Variants in ST6GALNAC1 observed in about 807,000 individuals in gnomAD.
ST6GALNAC1 encodes ST6 N-acetylgalactosaminide alpha-2,6-sialyltransferase 1, also known as alpha-N-acetylgalactosaminide alpha-2,6-sialyltransferase 1.
ST6GALNAC1 carries 45 observed loss-of-function variants against 56.8 expected under a neutral mutation model. The observed-to-expected ratio is 0.79, with a 90% CI of 0.62 to 1.02. ST6GALNAC1 has a LOEUF of 1.02. ST6GALNAC1 is among the 50% of genes least tolerant of loss of function. ST6GALNAC1 has a pLI of 0.00. For synonymous variants in ST6GALNAC1, 295 were observed against 297.8 expected, an observed-to-expected ratio of 0.99 and a Z score of 0.10; for missense variants, 743 against 754.8, an observed-to-expected ratio of 0.98 and a Z score of 0.18.
intron 1 of ST6GALNAC1, chr17:76,642,031 CTATA>C (rs1035112230): frequency 8.7e-5 from 13 of 150,054 alleles, no homozygotes; most frequent in East Asian, 1.9e-4. Flanking sequence ...ATATCTATAT[CTATA>C]TATACAATAT....
chr17:76,625,469 T>C lies in ST6GALNAC1; in HGVS notation c.1664A>G (p.Asp555Gly). The C allele has an allele frequency of 6.2e-7, 1 of 1,614,162 alleles. No homozygotes were observed. Among genetic ancestry groups the C allele is most frequent in the Non-Finnish European group, 8.5e-7 (1 of 1,180,034 alleles). Residue 555 changes from aspartate (D) to glycine (G), a missense_variant, in exon 9 of 9, where the codon GAT (aspartate) becomes GGT (glycine). Physicochemically the swap from Asp to Gly is moderately conservative, Grantham distance 94 (BLOSUM62 -1). Transcript: ENST00000156626. ...GHERFSDHYY[D>G]TSWKRLIFYI... ...AAAGATCAGCCGCTTCCATGATGTA[T>C]CATAGTAGTGATCAGAAAAGCGCTC...
intron 1 of ST6GALNAC1, among the ~76,000 whole-genome samples, chr17:76,633,120 A>G (rs1598300623): frequency 6.6e-6 from 1 of 152,240 alleles, no homozygotes; most frequent in Non-Finnish European, 1.5e-5. Flanking sequence ...GAGGCACGAG[A>G]GTTGCTCGAA....
Position 76,628,339 on chromosome 17 carries a change from G to A in ST6GALNAC1, c.831+673C>T, listed in dbSNP as rs1241082584. On this transcript the variant is annotated intron_variant, in intron 2 of 8. Transcript: ENST00000156626. ...CAGGGTCTCACTCTGTTGCCCAGGCGGGAGTGCAGTGGTGCCATCATAGCT... is the reference window on the plus strand; with the variant it reads ...CAGGGTCTCACTCTGTTGCCCAGGCAGGAGTGCAGTGGTGCCATCATAGCT... Among the ~76,000 whole-genome samples, 9 of 142,980 alleles carry A rather than the reference G, an allele frequency of 6.3e-5. No individual in the cohort carries two copies. The South Asian group carries it at 1.4e-3, about 22-fold the overall frequency. 93.8% of individuals were successfully genotyped at this position (142,980 alleles called of 152,430 possible).
chr17:76,618,138 A>G, the ST6GALNAC1 span, among the ~76,000 whole-genome samples: 2 of 152,190 alleles, frequency 1.3e-5, no homozygotes, highest in East Asian at 3.8e-4. Context: ...CCACATTTTT[A>G]TGTGTTCACA....
At chr17:76,619,743 T>C in the ST6GALNAC1 span, among the ~76,000 whole-genome samples, 1 of 101,864 alleles carries the variant, frequency 9.8e-6, no homozygotes, top group African/African-American at 3.2e-5. Context: ...AATGTTAGTT[T>C]TTTTTTTTTT....
rs1440878251 is a variant in ST6GALNAC1 at position 76,626,804 on chromosome 17, A to G, written c.1173-15T>C. The G allele has an allele frequency of 1.1e-5, 17 of 1,605,748 alleles. No individual in the cohort carries two copies. In the East Asian group the frequency reaches 3.4e-4, roughly 32 times the overall value. ...CTCCGCTCAATCTGTGCAGAAAGAC[A>G]CAATCAGACGGGACAGGTGAGCAGA... On this transcript the variant is annotated splice_polypyrimidine_tract_variant and intron_variant, in intron 4 of 8. Coordinates refer to ENST00000156626, the MANE Select transcript of ST6GALNAC1 (RefSeq NM_018414.5).
chr17:76,629,063 A>G lies in ST6GALNAC1; in HGVS notation c.780T>C (p.Pro260=). The change falls in exon 2 of 9, where the codon CCT becomes CCC. Residue 260 remains proline (P), a synonymous_variant. Transcript: ENST00000156626. ...RLKAANFKSE[P]RWDFEEKYSF... ...TGTATTTTTCCTCAAAATCCCACCGAGGCTCAGATTTGAAGTTGGCGGCCT... is the reference window on the plus strand; with the variant it reads ...TGTATTTTTCCTCAAAATCCCACCGGGGCTCAGATTTGAAGTTGGCGGCCT... 1.3e-6 allele frequency: 2 copies of G among 1,561,342 alleles called. No individual in the cohort carries two copies. Among genetic ancestry groups the G allele is most frequent in the Non-Finnish European group, 1.7e-6 (2 of 1,154,228 alleles).
At chr17:76,621,777 A>G (rs897274903), downstream of ST6GALNAC1, among the ~76,000 whole-genome samples, 5 of 152,026 alleles carry the variant, frequency 3.3e-5, no homozygotes, top group Admixed American at 6.6e-5. Context: ...ACCTGGCCCA[A>G]TCCAGCTGTT....
At chr17:76,637,272 TAAA>T (rs771644279) in intron 1 of ST6GALNAC1, among the ~76,000 whole-genome samples, 2 of 18,190 alleles carry the variant, frequency 1.1e-4, no homozygotes, top group African/African-American at 4.7e-4. Context: ...CAATAAATAC[TAAA>T]AAAAAAAAAA....
At position 76,625,460 on chromosome 17, in the gene ST6GALNAC1, C is replaced by T; in HGVS notation, c.1673G>A (p.Trp558Ter). 6.2e-7 allele frequency: 1 copy of T among 1,614,196 alleles called. No individual in the cohort carries two copies. The highest frequency in any genetic ancestry group is 8.5e-7 in the Non-Finnish European group (1 of 1,180,038). Reference sequence around the variant, plus strand: ...GTTTATGTAAAAGATCAGCCGCTTCCATGATGTATCATAGTAGTGATCAGA... The same window carrying T: ...GTTTATGTAAAAGATCAGCCGCTTCTATGATGTATCATAGTAGTGATCAGA... ...RFSDHYYDTS[W>*]KRLIFYINHD... Residue 558 changes from tryptophan (W) to a stop codon, truncating the protein, a stop_gained, in exon 9 of 9, where the codon TGG becomes TAG. Transcript: ENST00000156626. LOFTEE classifies it low-confidence loss of function (END_TRUNC).
chr17:76,628,894 G>A (rs1166262730), intron 2 of ST6GALNAC1, 118 bp downstream of exon 2: 4 of 954,716 alleles, frequency 4.2e-6, no homozygotes, highest in African/African-American at 1.6e-5. Context: ...GCTTGGGGCA[G>A]GACAAGACAA....
intron 1 of ST6GALNAC1, among the ~76,000 whole-genome samples, chr17:76,635,903 C>T (rs981979093): frequency 5.3e-5 from 8 of 152,098 alleles, no homozygotes; most frequent in Admixed American, 1.3e-4. Context: ...ATTAGTCATA[C>T]GTGTGCGAGG....
In ST6GALNAC1 at chr17:76,627,191, G is replaced by T. The variant is rs140111316; in HGVS notation, c.1048C>A (p.Leu350Met). The stretch of plus-strand genomic sequence containing the variant: ...CCAGCGGGGAGGCTGGCCAGGAGCA[G>T]CTGCTGCTGGGGCACTGGAGGGAAG... ...TRFPPVPQQQ[L>M]LLASLPAGSL... Residue 350 changes from leucine (L) to methionine (M), a missense_variant, in exon 4 of 9, where the codon CTG becomes ATG. Leu to Met is a conservative substitution (Grantham distance 15). Coordinates refer to ENST00000156626, the MANE Select transcript of ST6GALNAC1 (RefSeq NM_018414.5). This position sits in a 1 kb window ranked among gnomAD's most constrained non-coding sequence, Gnocchi z 4.4. The T allele has an allele frequency of 3.1e-4, 496 of 1,599,248 alleles. 5 individuals carry two copies. The African/African-American group carries it at 5.5e-3, about 18-fold the overall frequency.
rs2075791645 is a variant in ST6GALNAC1, at chr17:76,625,936, C to G, written c.1506-18G>C. ...TCAGAAACCTGTGAAATGCCCCAAA[C>G]CCCCAACTGTCAGGAGGCTGCAAGG... On this transcript the variant is annotated intron_variant, in intron 7 of 8. Coordinates refer to ENST00000156626, the MANE Select transcript of ST6GALNAC1 (RefSeq NM_018414.5). The G allele has an allele frequency of 6.3e-7, 1 of 1,596,810 alleles. No individual in the cohort carries two copies.
chr17:76,636,658 TAGCCCCCACCC>T (rs1008825099), intron 1 of ST6GALNAC1, among the ~76,000 whole-genome samples: 1 of 146,946 alleles, frequency 6.8e-6, no homozygotes, highest in Admixed American at 6.7e-5. Context: ...GAGGTGGGGG[TAGCCCCCACCC>T]AGCCGCCGCC....
At position 76,629,086 on chromosome 17, in the gene ST6GALNAC1, C is replaced by G. The variant is rs761987978; in HGVS notation, c.757G>C (p.Ala253Pro). ...PTTQRNQRLKAANFKSEPRWD... is the reference protein window; with the variant it reads ...PTTQRNQRLKPANFKSEPRWD... ...CGAGGCTCAGATTTGAAGTTGGCGG[C>G]CTTCAGTCTTTGGTTTCTCTGCGTC... The change falls in exon 2 of 9, where the codon GCC becomes CCC. Residue 253 changes from alanine (A) to proline (P), a missense_variant. Coordinates refer to ENST00000156626, the MANE Select transcript of ST6GALNAC1 (RefSeq NM_018414.5). 33 of 1,584,434 alleles carry G rather than the reference C, an allele frequency of 2.1e-5. No individual in the cohort carries two copies. Among genetic ancestry groups the G allele is most frequent in the African/African-American group, 1.1e-4 (8 of 73,430 alleles).
chr17:76,643,680 G>A lies in ST6GALNAC1; in HGVS notation c.-42C>T, dbSNP rs1280427339. The A allele has an allele frequency of 6.2e-7, 1 of 1,603,876 alleles. No individual in the cohort carries two copies. The highest frequency in any genetic ancestry group is 1.3e-5 in the African/African-American group (1 of 74,612). On this transcript the variant is annotated 5_prime_UTR_variant, in exon 1 of 9. Coordinates refer to ENST00000156626, the MANE Select transcript of ST6GALNAC1 (RefSeq NM_018414.5). ...CTAGAGGAAGGTTCTGCATGTCCTGGGGCCTTGATGTAGGCAGCTGGGAGT... is the reference window on the plus strand; with the variant it reads ...CTAGAGGAAGGTTCTGCATGTCCTGAGGCCTTGATGTAGGCAGCTGGGAGT...
At position 76,626,692 on chromosome 17, in the gene ST6GALNAC1, T is replaced by C. The variant is rs35948039; in HGVS notation, c.1270A>G (p.Ile424Val). The C allele has an allele frequency of 0.024, 38,035 of 1,614,084 alleles. 793 individuals are homozygous for C. The highest frequency in any genetic ancestry group is 0.071 in the South Asian group (6,448 of 91,076). The change falls in exon 5 of 9, where the codon ATA (isoleucine) becomes GTA (valine). Residue 424 changes from isoleucine to valine, a missense_variant. Ile to Val is a conservative substitution (Grantham distance 29). Transcript: ENST00000156626. Reference sequence around the variant, plus strand: ...TTCTTGAAACCCCGATTGCCCAATATAAGGAGTGACTGGGTCAGGGAGAAG... The same window carrying C: ...TTCTTGAAACCCCGATTGCCCAATACAAGGAGTGACTGGGTCAGGGAGAAG... ...TAFSLTQSLL[I>V]LGNRGFKNVP...
chr17:76,626,230 G>C (rs2075795823), intron 6 of ST6GALNAC1, 59 bp downstream of exon 6: 3 of 1,583,730 alleles, frequency 1.9e-6, no homozygotes, highest in Non-Finnish European at 2.6e-6. Flanking sequence ...CAACCCTTTA[G>C]AGCCACTCAT....
Sources: allele counts gnomAD v4.1 joint callset (sites outside exome capture counted in the v4.1 genomes callset), GRCh38; gene constraint gnomAD v4.1.1; non-coding constraint Gnocchi (gnomAD v3.1); transcripts MANE v1.5; gene names NCBI Gene and HGNC (gene_info 2026-07-23, HGNC 2026-07-21).